PRKCA: variants seen among roughly 807,000 people sequenced by gnomAD.
PRKCA encodes protein kinase C alpha.
In PRKCA, 27 loss-of-function variants were observed where a neutral mutation model predicts 87.0. The observed-to-expected ratio is 0.31, with a 90% CI of 0.23 to 0.43. The LOEUF is 0.43. PRKCA is among the 20% of genes least tolerant of loss of function. PRKCA has a pLI of 1.00. For missense variants in PRKCA, 518 were observed against 852.3 expected (o/e 0.61, Z 4.88); for synonymous variants, 329 against 311.1 (o/e 1.06, Z -0.61).
intron 2 of PRKCA, among the ~76,000 whole-genome samples, chr17:66,307,309 C>G (rs561463367): frequency 6.6e-6 from 1 of 152,224 alleles, no homozygotes; most frequent in African/African-American, 2.4e-5. Flanking sequence ...ATACCAGTCT[C>G]TACAAAAGAT....
chr17:66,332,177 T>A (rs542225995), intron 2 of PRKCA, among the ~76,000 whole-genome samples: 1 of 151,988 alleles, frequency 6.6e-6, no homozygotes, highest in Admixed American at 6.6e-5. Flanking sequence ...TCTTATTTGA[T>A]AAAATATTTT....
At chr17:66,316,845 C>G (rs1050705535) in intron 2 of PRKCA, among the ~76,000 whole-genome samples, 3 of 151,958 alleles carry the variant, frequency 2.0e-5, no homozygotes, top group Non-Finnish European at 4.4e-5. Context: ...AAAATATTTA[C>G]ATATTAAAAA....
chr17:66,558,785 G>A (rs145936973), intron 3 of PRKCA, among the ~76,000 whole-genome samples: 5 of 152,230 alleles, frequency 3.3e-5, no homozygotes, highest in South Asian at 2.1e-4. Context: ...GATGATACCC[G>A]CAGCTGGGGT....
At chr17:66,317,034 C>G (rs1343161023) in intron 2 of PRKCA, among the ~76,000 whole-genome samples, 5 of 151,434 alleles carry the variant, frequency 3.3e-5, no homozygotes, top group Admixed American at 3.3e-4. Context: ...CCCAGCTACT[C>G]GGGAGGCTGA....
intron 2 of PRKCA, chr17:66,403,889 CA>C (rs1451173852): frequency 6.6e-6 from 1 of 152,200 alleles, no homozygotes; most frequent in Admixed American, 6.5e-5. Context: ...TCAGTGGATC[CA>C]GCAGATTCCC....
intron 3 of PRKCA, among the ~76,000 whole-genome samples, chr17:66,535,071 TTA>T (rs1453682162): frequency 1.3e-5 from 2 of 152,242 alleles, no homozygotes; most frequent in African/African-American, 4.8e-5. Context: ...ATTCCTCAAA[TTA>T]TCCCCAAACT....
intron 2 of PRKCA, among the ~76,000 whole-genome samples, chr17:66,345,479 C>T (rs1034729261): frequency 9.9e-5 from 15 of 152,152 alleles, no homozygotes; most frequent in South Asian, 4.1e-4. Flanking sequence ...CGTGTCATCC[C>T]GGGTCATCCT....
At chr17:66,410,881 G>T (rs1372864556) in intron 2 of PRKCA, among the ~76,000 whole-genome samples, 2 of 151,812 alleles carry the variant, frequency 1.3e-5, no homozygotes, top group Non-Finnish European at 2.9e-5. Flanking sequence ...CAGCCAGGTA[G>T]TTGAACTTTT....
intron 2 of PRKCA, among the ~76,000 whole-genome samples, chr17:66,344,393 C>T (rs564559984): frequency 5.4e-4 from 82 of 152,262 alleles, no homozygotes; most frequent in African/African-American, 1.9e-3. Flanking sequence ...CTGTGGCTCA[C>T]GCCTGTAATC....
intron 2 of PRKCA, among the ~76,000 whole-genome samples, chr17:66,348,934 A>G (rs1438600285): frequency 2.6e-5 from 4 of 152,252 alleles, no homozygotes; most frequent in Non-Finnish European, 4.4e-5. Flanking sequence ...AACTTTTAGT[A>G]TAGCATTTAA....
Position 66,803,293 on chromosome 17 carries a change from T to A in PRKCA, c.1855-580T>A, listed in dbSNP as rs537822634. Among the ~76,000 whole-genome samples the A allele has an allele frequency of 2.9e-4, 44 of 152,288 alleles. No homozygotes were observed. The highest frequency in any genetic ancestry group is 9.9e-4 in the African/African-American group (41 of 41,568). On this transcript the variant is annotated intron_variant, in intron 16 of 16. Transcript: ENST00000413366. The surrounding 1 kb of genome is among the most constrained non-coding windows in gnomAD (Gnocchi z 4.4). ...TGTGCTAAATCCTAGCTGGGCCAGGTGCAAATCTCCCAGCCTTGCCGCCAC... is the reference window on the plus strand; with the variant it reads ...TGTGCTAAATCCTAGCTGGGCCAGGAGCAAATCTCCCAGCCTTGCCGCCAC...
chr17:66,344,521 C>CA (rs369068778), intron 2 of PRKCA, among the ~76,000 whole-genome samples: 1,654 of 150,656 alleles, frequency 0.011, 23 homozygotes, highest in African/African-American at 0.035. Flanking sequence ...ACAACAACAA[C>CA]AACAAAAAAA....
Position 66,547,449 on chromosome 17 carries a change from A to G in PRKCA, c.288+51166A>G, listed in dbSNP as rs149005480. On this transcript the variant is annotated intron_variant, in intron 3 of 16. Coordinates refer to ENST00000413366, the MANE Select transcript of PRKCA (RefSeq NM_002737.3). ...GTCATCTCCTAGCATCTAGGATGTC[A>G]CCAGACTGATAATCACTGTTCCATG... Among the ~76,000 whole-genome samples the G allele has an allele frequency of 6.2e-3, 947 of 152,190 alleles. 10 individuals are homozygous for G. The highest frequency in any genetic ancestry group is 9.8e-3 in the Non-Finnish European group (667 of 68,018).
intron 2 of PRKCA, among the ~76,000 whole-genome samples, chr17:66,386,385 G>A (rs1323254916): frequency 2.6e-5 from 4 of 152,180 alleles, no homozygotes. Context: ...TTAAAACAAA[G>A]CTGCAGTGAA....
chr17:66,524,886 A>G (rs1247230683), intron 3 of PRKCA, among the ~76,000 whole-genome samples: 1 of 152,220 alleles, frequency 6.6e-6, no homozygotes, highest in Non-Finnish European at 1.5e-5. Flanking sequence ...TTATGTAGAA[A>G]CAATAGAATA....
At chr17:66,488,535 TC>T (rs2144081241) in intron 2 of PRKCA, among the ~76,000 whole-genome samples, 1 of 152,276 alleles carries the variant, frequency 6.6e-6, no homozygotes, top group African/African-American at 2.4e-5. Flanking sequence ...TTCCTTCACA[TC>T]CCACATTCAA....
chr17:66,387,335 C>G (rs1486688009), intron 2 of PRKCA, among the ~76,000 whole-genome samples: 1 of 152,202 alleles, frequency 6.6e-6, no homozygotes, highest in African/African-American at 2.4e-5. Context: ...GGTTCTGTCA[C>G]AGGGTCAGAT....
intron 3 of PRKCA, among the ~76,000 whole-genome samples, chr17:66,609,075 A>G (rs1004055632): frequency 6.6e-6 from 1 of 152,184 alleles, no homozygotes; most frequent in African/African-American, 2.4e-5. Context: ...CTAAGCCCTT[A>G]ACTCCTCATG....
At chr17:66,625,621 A>G (rs1970833078) in intron 3 of PRKCA, among the ~76,000 whole-genome samples, 2 of 152,212 alleles carry the variant, frequency 1.3e-5, no homozygotes, top group South Asian at 2.1e-4. Flanking sequence ...CCTCAGGGGA[A>G]AATAGCCTTC....
Sources: allele counts gnomAD v4.1 joint callset (sites outside exome capture counted in the v4.1 genomes callset), GRCh38; gene constraint gnomAD v4.1.1; non-coding constraint Gnocchi (gnomAD v3.1); transcripts MANE v1.5; gene names NCBI Gene and HGNC (gene_info 2026-07-23, HGNC 2026-07-21).